NOS1AP: variants seen among roughly 807,000 people sequenced by gnomAD.
NOS1AP encodes the protein nitric oxide synthase 1 adaptor protein.
NOS1AP carries 21 observed loss-of-function variants against 56.2 expected under a neutral mutation model. The observed-to-expected ratio is 0.37, with a 90% CI of 0.26 to 0.54. NOS1AP has a LOEUF of 0.54. Ranked by LOEUF, NOS1AP falls within the 20% of genes least tolerant of loss-of-function variation. NOS1AP has a pLI of 0.84. For missense variants in NOS1AP, 522 were observed against 657.8 expected, an observed-to-expected ratio of 0.79 and a Z score of 2.26; for synonymous variants, 270 against 274.6, an observed-to-expected ratio of 0.98 and a Z score of 0.17.
rs1026172571 is a variant in NOS1AP, at chr1:162,194,423, G to A, written c.177+39947G>A. Among the ~76,000 whole-genome samples the A allele has an allele frequency of 4.6e-5, 7 of 152,218 alleles. No homozygotes were observed. In the East Asian group the frequency reaches 5.8e-4, roughly 13 times the overall value. ...TCTCTGGCTGAGGAAAGTCCTCCCC[G>A]TATTTAAGTACCCTTCAGTGCTGGC... On this transcript the variant is annotated intron_variant, in intron 2 of 9. Transcript: ENST00000361897.
intron 2 of NOS1AP, among the ~76,000 whole-genome samples, chr1:162,199,476 A>T (rs1182448840): frequency 6.6e-6 from 1 of 152,128 alleles, no homozygotes; most frequent in Non-Finnish European, 1.5e-5. Context: ...TTTCTGAGGG[A>T]TGTAGAGGTA....
intron 1 of NOS1AP, among the ~76,000 whole-genome samples, chr1:162,137,955 G>T (rs1209148240): frequency 1.3e-5 from 2 of 152,244 alleles, no homozygotes; most frequent in East Asian, 3.9e-4. Flanking sequence ...GAGAATACTA[G>T]GTGGGTAAGA....
intron 2 of NOS1AP, among the ~76,000 whole-genome samples, chr1:162,261,880 G>A (rs570337283): frequency 6.6e-6 from 1 of 152,256 alleles, no homozygotes; most frequent in South Asian, 2.1e-4. Context: ...AGTGTATTAG[G>A]TACTGAAATT....
At position 162,367,268 on chromosome 1, in the gene NOS1AP, C is replaced by T; in HGVS notation, c.1322C>T (p.Pro441Leu). 6.2e-7 allele frequency: 1 copy of T among 1,613,712 alleles called. No individual in the cohort carries two copies. The highest frequency in any genetic ancestry group is 8.5e-7 in the Non-Finnish European group (1 of 1,179,946). ...FRFLPPEDTP[P>L]PAQGEALLGG... ...TTTCTTCCGCCCGAGGACACCCCGC[C>T]CCCAGCGCAGGGCGAGGCGCTCCTG... The change falls in exon 10 of 10, where the codon CCC (proline) becomes CTC (leucine). Residue 441 changes from proline to leucine, a missense_variant. Pro to Leu is a moderately conservative substitution (Grantham distance 98). Coordinates refer to ENST00000361897, the MANE Select transcript of NOS1AP (RefSeq NM_014697.3). The surrounding 1 kb of genome is among the most constrained non-coding windows in gnomAD (Gnocchi z 6.5).
chr1:162,349,038 T>A (rs1369070488), intron 6 of NOS1AP, among the ~76,000 whole-genome samples: 4 of 152,024 alleles, frequency 2.6e-5, no homozygotes, highest in Admixed American at 1.3e-4. Flanking sequence ...ATACAAAAAA[T>A]TAGCTGGGTG....
In NOS1AP at chr1:162,180,554, G is replaced by C. The variant is rs572658535; in HGVS notation, c.177+26078G>C. Among the ~76,000 whole-genome samples the C allele has an allele frequency of 5.9e-5, 9 of 152,280 alleles. 2 individuals carry two copies. Among genetic ancestry groups the C allele is most frequent in the African/African-American group, 2.2e-4 (9 of 41,564 alleles). On this transcript the variant is annotated intron_variant, in intron 2 of 9. Transcript: ENST00000361897. ...CCACCGCGCCCGGCCAATGTGTTAC[G>C]TTATTTAAGACCCCATTTTAGCAGC...
chr1:162,118,952 G>T (rs976889465), intron 1 of NOS1AP, among the ~76,000 whole-genome samples: 1 of 152,082 alleles, frequency 6.6e-6, no homozygotes, highest in Non-Finnish European at 1.5e-5. Flanking sequence ...ATTTCAGGGA[G>T]CCCATAGACC....
At chr1:162,111,710 C>T (rs1172443847) in intron 1 of NOS1AP, among the ~76,000 whole-genome samples, 12 of 152,226 alleles carry the variant, frequency 7.9e-5, no homozygotes, top group Admixed American at 6.5e-4. Flanking sequence ...AGGTCAATGC[C>T]TGCCAAATAC....
intron 2 of NOS1AP, among the ~76,000 whole-genome samples, chr1:162,240,974 G>A (rs1043018940): frequency 1.3e-5 from 2 of 152,172 alleles, no homozygotes; most frequent in Non-Finnish European, 2.9e-5. Context: ...CTGTTCAAGG[G>A]CTGTTGGCTG....
chr1:162,099,294 TCTC>T (rs1692325597), intron 1 of NOS1AP, among the ~76,000 whole-genome samples: 1 of 152,004 alleles, frequency 6.6e-6, no homozygotes, highest in Non-Finnish European at 1.5e-5. Context: ...TTCACGCCAT[TCTC>T]CTGCCTCAGC....
At chr1:162,138,873 G>A (rs1649115334) in intron 1 of NOS1AP, among the ~76,000 whole-genome samples, 1 of 152,134 alleles carries the variant, frequency 6.6e-6, no homozygotes, top group Admixed American at 6.5e-5. Flanking sequence ...GCCAGAGCAG[G>A]GGTTCACACA....
intron 1 of NOS1AP, among the ~76,000 whole-genome samples, chr1:162,141,023 C>T (rs1002794612): frequency 1.3e-5 from 2 of 152,062 alleles, no homozygotes; most frequent in African/African-American, 4.8e-5. Context: ...AAGCCTTTGT[C>T]GGATGCAAAG....
At chr1:162,176,066 T>C (rs1329484485) in intron 2 of NOS1AP, among the ~76,000 whole-genome samples, 1 of 152,228 alleles carries the variant, frequency 6.6e-6, no homozygotes. Flanking sequence ...CCTTACTGTC[T>C]CACTTCTTCA....
chr1:162,292,994 G>A (rs1472128206), intron 3 of NOS1AP, among the ~76,000 whole-genome samples: 1 of 152,174 alleles, frequency 6.6e-6, no homozygotes, highest in Non-Finnish European at 1.5e-5. Flanking sequence ...ACTTCATCCA[G>A]TCTTCTTTCC....
At chr1:162,159,467 G>A (rs1650106376) in intron 2 of NOS1AP, among the ~76,000 whole-genome samples, 1 of 152,062 alleles carries the variant, frequency 6.6e-6, no homozygotes, top group African/African-American at 2.4e-5. Context: ...CTTCCTTTGG[G>A]TTTCAAAGCA....
At chr1:162,154,609 C>A in intron 2 of NOS1AP, 133 bp downstream of exon 2, 1 of 687,388 alleles carries the variant, frequency 1.5e-6, no homozygotes, top group Non-Finnish European at 2.6e-6. Context: ...TCTCTGTACC[C>A]TCTAGGTAGC....
chr1:162,288,004 G>A (rs1421410658), intron 3 of NOS1AP, among the ~76,000 whole-genome samples: 1 of 152,140 alleles, frequency 6.6e-6, no homozygotes, highest in East Asian at 1.9e-4. Context: ...GGATGGGCAG[G>A]GGGATTGATC....
chr1:162,191,231 A>G (rs372637212), intron 2 of NOS1AP, among the ~76,000 whole-genome samples: 5 of 152,176 alleles, frequency 3.3e-5, no homozygotes, highest in East Asian at 3.9e-4. Context: ...ACACAGGAAC[A>G]TCAGATTGGA....
chr1:162,172,601 G>C (rs1650847882), intron 2 of NOS1AP, among the ~76,000 whole-genome samples: 1 of 152,252 alleles, frequency 6.6e-6, no homozygotes, highest in Non-Finnish European at 1.5e-5. Flanking sequence ...GTCAGCAGGT[G>C]GTCATTGGAG....
Sources: allele counts gnomAD v4.1 joint callset (sites outside exome capture counted in the v4.1 genomes callset), GRCh38; gene constraint gnomAD v4.1.1; non-coding constraint Gnocchi (gnomAD v3.1); transcripts MANE v1.5; gene names NCBI Gene and HGNC (gene_info 2026-07-23, HGNC 2026-07-21).